Variants in EPHA7 observed in about 807,000 individuals in gnomAD.
EPHA7 encodes EPH receptor A7.
Under a neutral mutation model 112.6 loss-of-function variants are expected in EPHA7, and 25 were observed. The observed-to-expected ratio is 0.22, with a 90% CI of 0.16 to 0.31. The LOEUF is 0.31. Ranked by LOEUF, EPHA7 falls within the 10% of genes least tolerant of loss-of-function variation. EPHA7 has a pLI of 1.00. For missense variants in EPHA7, 962 were observed against 1,212.6 expected (o/e 0.79, Z 3.07); for synonymous variants, 437 against 406.5 (o/e 1.07, Z -0.90).
chr6:93,388,969 C>T (rs868683662), intron 3 of EPHA7, among the ~76,000 whole-genome samples: 1 of 152,014 alleles, frequency 6.6e-6, no homozygotes. Flanking sequence ...GGAGCAAGAT[C>T]AAATGCACAC....
At chr6:93,375,605 A>C (rs556972237) in intron 3 of EPHA7, among the ~76,000 whole-genome samples, 1 of 152,096 alleles carries the variant, frequency 6.6e-6, no homozygotes, top group Non-Finnish European at 1.5e-5. Context: ...AACAAAAAAA[A>C]AACTCCAAGA....
chr6:93,268,002 T>C (rs1021620179), intron 7 of EPHA7, among the ~76,000 whole-genome samples: 2 of 151,684 alleles, frequency 1.3e-5, no homozygotes, highest in African/African-American at 4.8e-5. Context: ...TAGATCTGAG[T>C]TGAAAATTAC....
intron 5 of EPHA7, among the ~76,000 whole-genome samples, chr6:93,325,147 T>A (rs1774255612): frequency 6.6e-6 from 1 of 151,316 alleles, no homozygotes; most frequent in South Asian, 2.1e-4. Context: ...AGGAATAATA[T>A]ATGCATATAG....
intron 3 of EPHA7, among the ~76,000 whole-genome samples, chr6:93,373,451 T>C (rs1228849483): frequency 2.0e-5 from 3 of 152,218 alleles, no homozygotes; most frequent in Non-Finnish European, 2.9e-5. Context: ...AACTTGCGTG[T>C]AATTTAGTAC....
At chr6:93,401,942 A>T (rs1778454659) in intron 3 of EPHA7, among the ~76,000 whole-genome samples, 1 of 152,048 alleles carries the variant, frequency 6.6e-6, no homozygotes, top group South Asian at 2.1e-4. Context: ...CTTAGAGAAA[A>T]TAGCTATGAA....
chr6:93,315,755 T>C (rs1238340604), intron 5 of EPHA7, among the ~76,000 whole-genome samples: 1 of 152,134 alleles, frequency 6.6e-6, no homozygotes, highest in Non-Finnish European at 1.5e-5. Flanking sequence ...AAGTACTGTG[T>C]TTTGTCTTAT....
intron 5 of EPHA7, among the ~76,000 whole-genome samples, chr6:93,293,819 T>C (rs933066667): frequency 1.3e-5 from 2 of 152,216 alleles, no homozygotes; most frequent in Non-Finnish European, 2.9e-5. Flanking sequence ...ATGGTTCCTT[T>C]GTCTTGTCTT....
At chr6:93,294,701 T>C (rs1330301094) in intron 5 of EPHA7, among the ~76,000 whole-genome samples, 1 of 152,098 alleles carries the variant, frequency 6.6e-6, no homozygotes, top group Non-Finnish European at 1.5e-5. Flanking sequence ...CTCTCAAAAT[T>C]AACTAATATA....
At chr6:93,267,053 T>C (rs781361260) in intron 7 of EPHA7, among the ~76,000 whole-genome samples, 3 of 151,792 alleles carry the variant, frequency 2.0e-5, no homozygotes, top group Admixed American at 6.6e-5. Context: ...TCAGAAGGTA[T>C]ATGACATGAT....
At chr6:93,282,670 G>A (rs1366123027) in intron 5 of EPHA7, among the ~76,000 whole-genome samples, 1 of 152,136 alleles carries the variant, frequency 6.6e-6, no homozygotes. Context: ...GCAGGAGCTG[G>A]GGCTGCGCAC....
At chr6:93,319,649 A>G (rs949298012) in intron 5 of EPHA7, among the ~76,000 whole-genome samples, 1 of 152,102 alleles carries the variant, frequency 6.6e-6, no homozygotes, top group Admixed American at 6.6e-5. Context: ...TGAGAACTGG[A>G]TGTAGAGTCA....
intron 3 of EPHA7, 34 bp from the exon 4 acceptor site, chr6:93,358,445 T>C (rs1287832302): frequency 1.3e-6 from 2 of 1,555,826 alleles, no homozygotes; most frequent in African/African-American, 1.4e-5. Context: ...AATTGAGACA[T>C]GAGAGCAAAT....
intron 5 of EPHA7, among the ~76,000 whole-genome samples, chr6:93,292,474 T>C (rs922088567): frequency 6.6e-6 from 1 of 152,152 alleles, no homozygotes; most frequent in Non-Finnish European, 1.5e-5. Flanking sequence ...AAATGCAGCA[T>C]TCTTATTTGT....
intron 1 of EPHA7, among the ~76,000 whole-genome samples, chr6:93,419,010 C>T (rs1299569173): frequency 6.6e-6 from 1 of 152,160 alleles, no homozygotes; most frequent in East Asian, 1.9e-4. Flanking sequence ...GCCAGAAATC[C>T]CGCACCCGTC....
intron 5 of EPHA7, among the ~76,000 whole-genome samples, chr6:93,278,895 G>A (rs1007349602): frequency 6.6e-6 from 1 of 151,964 alleles, no homozygotes; most frequent in African/African-American, 2.4e-5. Flanking sequence ...CAAGAGGAAA[G>A]CTAAGCAGTC....
At chr6:93,414,604 A>G in intron 2 of EPHA7, 99 bp downstream of exon 2, 1 of 861,728 alleles carries the variant, frequency 1.2e-6, no homozygotes, top group Non-Finnish European at 1.9e-6. Context: ...GGAATTAAAC[A>G]GTTTATACAT....
At chr6:93,261,073 T>G (rs1770669084) in intron 9 of EPHA7, among the ~76,000 whole-genome samples, 1 of 151,638 alleles carries the variant, frequency 6.6e-6, no homozygotes, top group Admixed American at 6.6e-5. Flanking sequence ...CATAAAACAT[T>G]TTGACAGACC....
chr6:93,386,464 AG>A (rs1321998827), intron 3 of EPHA7, among the ~76,000 whole-genome samples: 1 of 152,088 alleles, frequency 6.6e-6, no homozygotes, highest in Non-Finnish European at 1.5e-5. Context: ...CTGATGTAAG[AG>A]GGGGGCTCCC....
chr6:93,257,445 A>G lies in EPHA7; in HGVS notation c.2172+17T>C, dbSNP rs1358608304. Reference sequence around the variant, plus strand: ...AGCATAGTATATTTAGAATAAGTGGATCACTTTGGTACTTACCCTGAGAAA... The same window carrying G: ...AGCATAGTATATTTAGAATAAGTGGGTCACTTTGGTACTTACCCTGAGAAA... On this transcript the variant is annotated intron_variant, in intron 12 of 16. Transcript: ENST00000369303. The G allele has an allele frequency of 3.7e-5, 58 of 1,585,440 alleles. No individual in the cohort carries two copies. Among genetic ancestry groups the G allele is most frequent in the Non-Finnish European group, 4.8e-5 (56 of 1,160,346 alleles).
Sources: gnomAD v4.1 joint callset for allele counts (sites outside exome capture counted in the v4.1 genomes callset) on GRCh38, gnomAD v4.1.1 for gene constraint, MANE v1.5 for transcripts, NCBI Gene and HGNC (gene_info 2026-07-23, HGNC 2026-07-21) for gene names.